Variants in TYW1B observed in about 807,000 individuals in gnomAD.
TYW1B encodes tRNA-yW synthesizing protein 1 homolog B, also known as S-adenosyl-L-methionine-dependent tRNA 4-demethylwyosine synthase TYW1B.
In TYW1B, 73 loss-of-function variants were observed where a neutral mutation model predicts 86.9. That is an observed-to-expected ratio of 0.84 (90% CI 0.70 to 1.02). TYW1B has a LOEUF of 1.02. Ranked by LOEUF, TYW1B falls within the 50% of genes least tolerant of loss-of-function variation. TYW1B has a pLI of 0.00. For synonymous variants in TYW1B, 248 were observed against 292.8 expected (o/e 0.85, Z 1.56); for missense variants, 637 against 827.4 (o/e 0.77, Z 2.82).
chr7:72,684,779 T>C (rs1422199744), intron 11 of TYW1B, among the ~76,000 whole-genome samples: 2 of 151,974 alleles, frequency 1.3e-5, no homozygotes, highest in Non-Finnish European at 2.9e-5. Context: ...GTGATGGCAA[T>C]GATACAAGGA....
At chr7:72,646,514 G>A (rs573089358) in intron 11 of TYW1B, among the ~76,000 whole-genome samples, 1 of 152,170 alleles carries the variant, frequency 6.6e-6, no homozygotes, top group South Asian at 2.1e-4. Flanking sequence ...TGGGACTACA[G>A]GTGTGTGCCA....
At chr7:72,815,967 T>C (rs1788714916) in intron 2 of TYW1B, among the ~76,000 whole-genome samples, 1 of 152,084 alleles carries the variant, frequency 6.6e-6, no homozygotes, top group Non-Finnish European at 1.5e-5. Context: ...GGTTAGAGGA[T>C]ACAGTGAGCT....
chr7:72,724,276 A>G (rs1411548765), intron 9 of TYW1B, among the ~76,000 whole-genome samples: 1 of 152,176 alleles, frequency 6.6e-6, no homozygotes, highest in Non-Finnish European at 1.5e-5. Context: ...GTTCAAGACC[A>G]GCCTGGGCAA....
At chr7:72,803,009 G>A (rs1788429539) in intron 5 of TYW1B, among the ~76,000 whole-genome samples, 2 of 152,150 alleles carry the variant, frequency 1.3e-5, no homozygotes, top group African/African-American at 2.4e-5. Context: ...GCCAAGATGG[G>A]AGGACTTTGA....
At chr7:72,820,831 C>CA (rs1465037002) in intron 2 of TYW1B, among the ~76,000 whole-genome samples, 1 of 152,190 alleles carries the variant, frequency 6.6e-6, no homozygotes, top group Non-Finnish European at 1.5e-5. Flanking sequence ...TAGCAGAAGT[C>CA]AATGGTGAGA....
At chr7:72,734,803 T>C (rs1585940582) in intron 8 of TYW1B, among the ~76,000 whole-genome samples, 1 of 150,572 alleles carries the variant, frequency 6.6e-6, no homozygotes, top group East Asian at 1.9e-4. Context: ...GGTCGAATGA[T>C]GTAAATAGAC....
At chr7:72,638,479 T>C (rs1585867675) in intron 11 of TYW1B, among the ~76,000 whole-genome samples, 1 of 152,264 alleles carries the variant, frequency 6.6e-6, no homozygotes, top group East Asian at 1.9e-4. Flanking sequence ...CCATTCATAA[T>C]AAAAACTCTC....
chr7:72,669,358 C>T (rs1247355860), intron 11 of TYW1B, among the ~76,000 whole-genome samples: 1 of 151,834 alleles, frequency 6.6e-6, no homozygotes, highest in Non-Finnish European at 1.5e-5. Context: ...GTTGGCCAGG[C>T]TGCTCTTGAA....
rs576577984 is a variant in TYW1B at position 72,726,717 on chromosome 7, T to C, written c.1192+2105A>G. 6.3e-4 allele frequency among the ~76,000 whole-genome samples: 96 copies of C among 152,266 alleles called. 1 individual carries two copies. The South Asian group carries it at 0.019, about 30-fold the overall frequency. ...TACTGATCTTGAACCATTATTTGCA[T>C]GACTTTTCTCCATTTCTCATAAGAA... On this transcript the variant is annotated intron_variant, in intron 9 of 13. Transcript: ENST00000620995.
At chr7:72,810,703 G>A (rs781802715) in intron 3 of TYW1B, 38 bp from the exon 4 acceptor site, 5 of 1,548,134 alleles carry the variant, frequency 3.2e-6, no homozygotes, top group East Asian at 4.6e-5. Context: ...GAACATACAA[G>A]GCATAAATTA....
intron 2 of TYW1B, among the ~76,000 whole-genome samples, chr7:72,825,352 T>C (rs1384616288): frequency 1.3e-5 from 2 of 152,168 alleles, no homozygotes; most frequent in Non-Finnish European, 2.9e-5. Context: ...CTTTTAGCAC[T>C]ATTAGAAATC....
In TYW1B at chr7:72,713,789, C is replaced by T; in HGVS notation, c.1202G>A (p.Gly401Asp). 6.3e-7 allele frequency: 1 copy of T among 1,582,796 alleles called. No individual in the cohort carries two copies. The highest frequency in any genetic ancestry group is 1.1e-5 in the South Asian group (1 of 87,444). Residue 401 changes from glycine to aspartate, a missense_variant, in exon 10 of 14, where the codon GGC becomes GAC. Coordinates refer to ENST00000620995, the MANE Select transcript of TYW1B (RefSeq NM_001145440.3). ...TTCTTCAAAGCGTTCTGCTTTGACG[C>T]CCGGTACTCCTGGAGAATACAGTGA... Reference protein sequence around the residue: ...NMIKQFKGVPGVKAERFEEGM... With the variant: ...NMIKQFKGVPDVKAERFEEGM...
intron 2 of TYW1B, among the ~76,000 whole-genome samples, chr7:72,815,785 A>T (rs1788711898): frequency 6.6e-6 from 1 of 152,146 alleles, no homozygotes; most frequent in South Asian, 2.1e-4. Context: ...CATGCCTGTA[A>T]TCCCAGCACT....
chr7:72,760,362 T>C (rs1424945545), intron 7 of TYW1B, among the ~76,000 whole-genome samples: 3 of 152,226 alleles, frequency 2.0e-5, no homozygotes, highest in Non-Finnish European at 2.9e-5. Context: ...GATTAGCTAT[T>C]GAGGCAAATA....
At chr7:72,617,427 G>A (rs1812104582) in intron 12 of TYW1B, among the ~76,000 whole-genome samples, 1 of 152,136 alleles carries the variant, frequency 6.6e-6, no homozygotes, top group African/African-American at 2.4e-5. Flanking sequence ...GAGTGCAGTG[G>A]CACAATCGCG....
intron 10 of TYW1B, among the ~76,000 whole-genome samples, chr7:72,702,213 G>C (rs1302930421): frequency 1.3e-5 from 2 of 152,068 alleles, no homozygotes; most frequent in Non-Finnish European, 2.9e-5. Flanking sequence ...AGACAAACTT[G>C]AGTCACTTCA....
At chr7:72,813,258 C>G (rs1788658772) in intron 3 of TYW1B, among the ~76,000 whole-genome samples, 1 of 151,490 alleles carries the variant, frequency 6.6e-6, no homozygotes, top group Non-Finnish European at 1.5e-5. Flanking sequence ...TCACTGCGAC[C>G]TCCACCTCCC....
At chr7:72,724,670 C>A (rs1554458334) in intron 9 of TYW1B, among the ~76,000 whole-genome samples, 2 of 152,180 alleles carry the variant, frequency 1.3e-5, no homozygotes, top group Admixed American at 1.3e-4. Context: ...ACCCTTCCAG[C>A]AAATTTGCTG....
intron 3 of TYW1B, among the ~76,000 whole-genome samples, chr7:72,812,964 T>C (rs1241720807): frequency 2.6e-5 from 4 of 152,026 alleles, no homozygotes; most frequent in Non-Finnish European, 5.9e-5. Context: ...CTTGCTGGGA[T>C]TATATAGGCA....
Sources: gnomAD v4.1 joint callset for allele counts (sites outside exome capture counted in the v4.1 genomes callset) on GRCh38, gnomAD v4.1.1 for gene constraint, MANE v1.5 for transcripts, NCBI Gene and HGNC (gene_info 2026-07-23, HGNC 2026-07-21) for gene names.